SHANK2: variants seen among roughly 807,000 people sequenced by gnomAD.
SHANK2 encodes SH3 and multiple ankyrin repeat domains 2, also known as SH3 and multiple ankyrin repeat domains protein 2.
In SHANK2, 43 loss-of-function variants were observed where a neutral mutation model predicts 133.7. That is an observed-to-expected ratio of 0.32 (90% CI 0.25 to 0.41). SHANK2 has a LOEUF of 0.41. SHANK2 is among the 10% of genes least tolerant of loss of function. SHANK2 has a pLI of 1.00. For synonymous variants in SHANK2, 1,017 were observed against 952.8 expected (o/e 1.07, Z -1.24); for missense variants, 1,994 against 2,235.8 (o/e 0.89, Z 2.18).
intron 10 of SHANK2, among the ~76,000 whole-genome samples, chr11:70,928,056 C>CTA (rs782408706): frequency 2.0e-5 from 3 of 152,158 alleles, no homozygotes; most frequent in Admixed American, 6.5e-5. Context: ...CATTCTCTTT[C>CTA]TATATATATG....
At chr11:70,585,838 C>T in intron 17 of SHANK2, among the ~76,000 whole-genome samples, 1 of 127,386 alleles carries the variant, frequency 7.9e-6, no homozygotes, top group Non-Finnish European at 1.7e-5. Context: ...ACCCACCCAC[C>T]CACCCACCCA....
intron 13 of SHANK2, among the ~76,000 whole-genome samples, chr11:70,799,881 T>C (rs1948005315): frequency 6.6e-6 from 1 of 152,128 alleles, no homozygotes; most frequent in Admixed American, 6.5e-5. Flanking sequence ...TGAGCATGGG[T>C]GAGGGACATA....
chr11:70,485,282 G>T lies in SHANK2; in HGVS notation c.4979+32C>A. 6.4e-7 allele frequency: 1 copy of T among 1,567,222 alleles called. No individual in the cohort carries two copies. Among genetic ancestry groups the T allele is most frequent in the Non-Finnish European group, 8.8e-7 (1 of 1,139,372 alleles). ...GGTCAGCAGGGACAGTGCACGCAGA[G>T]CGGTGTGCATGTGCACCAACCGCGG... On this transcript the variant is annotated intron_variant, in intron 25 of 25. Transcript: ENST00000601538. The surrounding 1 kb of genome is among the most constrained non-coding windows in gnomAD (Gnocchi z 5.8).
At chr11:71,171,572 C>G (rs543335933) in intron 2 of SHANK2, among the ~76,000 whole-genome samples, 1 of 152,168 alleles carries the variant, frequency 6.6e-6, no homozygotes, top group Non-Finnish European at 1.5e-5. Context: ...TCCAGCCCAG[C>G]GGCTCCATGC....
intron 17 of SHANK2, among the ~76,000 whole-genome samples, chr11:70,564,613 A>G (rs1554981520): frequency 6.6e-6 from 1 of 151,264 alleles, no homozygotes. Flanking sequence ...CAGGGACTCT[A>G]CTTACATGTA....
At chr11:70,493,905 T>C (rs1277300566) in intron 21 of SHANK2, among the ~76,000 whole-genome samples, 1 of 152,022 alleles carries the variant, frequency 6.6e-6, no homozygotes, top group Non-Finnish European at 1.5e-5. Flanking sequence ...CTGAGCAGAG[T>C]GCAGGGAGGA....
At chr11:70,720,810 T>C (rs559737580) in intron 14 of SHANK2, among the ~76,000 whole-genome samples, 3 of 152,272 alleles carry the variant, frequency 2.0e-5, no homozygotes, top group East Asian at 3.9e-4. Flanking sequence ...TGCACATATA[T>C]ACACACATGC....
At chr11:70,898,401 G>T (rs924817683) in intron 10 of SHANK2, among the ~76,000 whole-genome samples, 20 of 151,846 alleles carry the variant, frequency 1.3e-4, no homozygotes, top group African/African-American at 4.8e-4. Flanking sequence ...TTATGGAAAT[G>T]CTTTGGAACT....
chr11:70,509,668 CTA>C (rs1417486072), intron 17 of SHANK2, among the ~76,000 whole-genome samples: 15 of 152,324 alleles, frequency 9.8e-5, no homozygotes, highest in African/African-American at 3.6e-4. Context: ...TCCCCCCAGT[CTA>C]TGTGTTGAAA....
chr11:71,091,283 C>G (rs550359450), intron 8 of SHANK2, among the ~76,000 whole-genome samples: 1 of 152,080 alleles, frequency 6.6e-6, no homozygotes, highest in African/African-American at 2.4e-5. Context: ...TCGGGAGGAA[C>G]AGGGGCTTCT....
At chr11:70,482,914 C>T (rs1222487524) in intron 25 of SHANK2, among the ~76,000 whole-genome samples, 1 of 152,202 alleles carries the variant, frequency 6.6e-6, no homozygotes, top group African/African-American at 2.4e-5. Context: ...CCCCTGTGGG[C>T]ACCCCAGGAG....
At chr11:70,873,697 G>A (rs1483181522) in intron 11 of SHANK2, among the ~76,000 whole-genome samples, 2 of 151,800 alleles carry the variant, frequency 1.3e-5, no homozygotes, top group Non-Finnish European at 2.9e-5. Context: ...AGGACATTGA[G>A]TGCGTCCCCT....
chr11:70,631,152 C>T (rs1289827955), intron 17 of SHANK2: 3 of 152,282 alleles, frequency 2.0e-5, no homozygotes, highest in Non-Finnish European at 2.9e-5. Context: ...ACTCCCACCC[C>T]AGCAAACCAC....
chr11:70,477,009 G>A (rs576617693), intron 25 of SHANK2, among the ~76,000 whole-genome samples: 10 of 152,334 alleles, frequency 6.6e-5, no homozygotes, highest in Admixed American at 2.0e-4. Flanking sequence ...GATTGATTTT[G>A]GTTTTTGTAA....
chr11:70,863,487 G>C (rs1282622908), intron 11 of SHANK2: 2 of 457,810 alleles, frequency 4.4e-6, no homozygotes, highest in African/African-American at 4.0e-5. Flanking sequence ...ATTCTGTGGG[G>C]GGTTTTCCTT....
At chr11:70,910,279 T>C (rs1377206089) in intron 10 of SHANK2, among the ~76,000 whole-genome samples, 1 of 152,184 alleles carries the variant, frequency 6.6e-6, no homozygotes, top group East Asian at 1.9e-4. Flanking sequence ...GCAGAATCTC[T>C]TTGCCTTCCT....
At chr11:70,522,791 C>T (rs2059346656) in intron 17 of SHANK2, among the ~76,000 whole-genome samples, 1 of 152,230 alleles carries the variant, frequency 6.6e-6, no homozygotes, top group Non-Finnish European at 1.5e-5. Context: ...AGGGCACTGC[C>T]CCCACCTCCA....
intron 11 of SHANK2, among the ~76,000 whole-genome samples, chr11:70,884,112 T>C (rs569060517): frequency 1.8e-4 from 27 of 152,214 alleles, no homozygotes; most frequent in Non-Finnish European, 3.2e-4. Context: ...CAGCCCATGC[T>C]TGGCTCAGGC....
intron 11 of SHANK2, among the ~76,000 whole-genome samples, chr11:70,879,076 G>A (rs1949617198): frequency 1.3e-5 from 2 of 152,314 alleles, no homozygotes; most frequent in South Asian, 2.1e-4. Flanking sequence ...CCATGTGCCC[G>A]GTGGTCCTAA....
Sources: allele counts gnomAD v4.1 joint callset (sites outside exome capture counted in the v4.1 genomes callset), GRCh38; gene constraint gnomAD v4.1.1; non-coding constraint Gnocchi (gnomAD v3.1); transcripts MANE v1.5; gene names NCBI Gene and HGNC (gene_info 2026-07-23, HGNC 2026-07-21).